The following MYO3B variants were observed in gnomAD, a reference collection of about 807,000 sequenced individuals.
MYO3B encodes the protein myosin-IIIb.
MYO3B carries 156 observed loss-of-function variants against 174.6 expected under a neutral mutation model. The ratio of observed to expected loss-of-function variants is 0.89; its 90% CI spans 0.78 to 1.02. The LOEUF is 1.02. MYO3B is among the 50% of genes least tolerant of loss of function. MYO3B has a pLI of 0.00. For synonymous variants in MYO3B, 563 were observed against 569.1 expected, an observed-to-expected ratio of 0.99 and a Z score of 0.15; for missense variants, 1,632 against 1,639.4, an observed-to-expected ratio of 1.00 and a Z score of 0.08.
intron 25 of MYO3B, among the ~76,000 whole-genome samples, chr2:170,476,075 C>A (rs1685299012): frequency 6.6e-6 from 1 of 151,942 alleles, no homozygotes; most frequent in Non-Finnish European, 1.5e-5. Context: ...GTTCCCTGTC[C>A]CCCCCCACAG....
intron 29 of MYO3B, among the ~76,000 whole-genome samples, chr2:170,517,665 G>T (rs950459264): frequency 6.6e-6 from 1 of 152,124 alleles, no homozygotes; most frequent in Non-Finnish European, 1.5e-5. Flanking sequence ...ATTATTTGTG[G>T]TGATTTTTCC....
chr2:170,423,912 C>G (rs1319802327), intron 22 of MYO3B, among the ~76,000 whole-genome samples: 1 of 152,138 alleles, frequency 6.6e-6, no homozygotes, highest in Non-Finnish European at 1.5e-5. Context: ...TTCCTTTGTT[C>G]TTTTTGGAGA....
intron 22 of MYO3B, among the ~76,000 whole-genome samples, chr2:170,417,126 A>C (rs2094585738): frequency 6.6e-6 from 1 of 152,118 alleles, no homozygotes; most frequent in South Asian, 2.1e-4. Flanking sequence ...TTATGGGTCC[A>C]TCTCTTTCTT....
intron 22 of MYO3B, among the ~76,000 whole-genome samples, chr2:170,437,377 C>G (rs549229903): frequency 2.6e-5 from 4 of 152,238 alleles, no homozygotes; most frequent in African/African-American, 7.2e-5. Context: ...GCCCCCACCC[C>G]CTTCTCCCTT....
At chr2:170,340,346 G>C (rs2105556646) in intron 8 of MYO3B, 1 of 152,328 alleles carries the variant, frequency 6.6e-6, no homozygotes, top group Admixed American at 6.5e-5. Context: ...CATCACGGCT[G>C]CTCAGCTTTG....
chr2:170,630,604 G>A (rs1696870669), intron 32 of MYO3B, among the ~76,000 whole-genome samples: 2 of 152,204 alleles, frequency 1.3e-5, no homozygotes, highest in African/African-American at 4.8e-5. Flanking sequence ...CCTCAAGTGG[G>A]TCCCTGACCC....
At position 170,580,712 on chromosome 2, in the gene MYO3B, T is replaced by TTATATATA. The variant is rs139311800; in HGVS notation, c.3733+36731_3733+36732insATATATAT. ...TATAAGCTTCAGGTCCCACAAAACCTTATATATGTGTGTGTGTGTGTGTGT... is the reference window on the plus strand; with the variant it reads ...TATAAGCTTCAGGTCCCACAAAACCTTATATATATATATATGTGTGTGTGTGTGTGTGT... On this transcript the variant is annotated intron_variant, in intron 32 of 34. Coordinates refer to ENST00000408978, the MANE Select transcript of MYO3B (RefSeq NM_138995.5). 6.2e-3 allele frequency among the ~76,000 whole-genome samples: 841 copies of TTATATATA among 136,102 alleles called. 9 individuals carry two copies. Among genetic ancestry groups the TTATATATA allele is most frequent in the East Asian group, 0.061 (250 of 4,100 alleles). 89.3% of individuals were successfully genotyped at this position (136,102 alleles called of 152,430 possible). A position where few individuals can be genotyped will look rare whatever the true frequency, so the allele number is the denominator to read the frequency against.
intron 32 of MYO3B, among the ~76,000 whole-genome samples, chr2:170,545,149 T>C (rs1481950228): frequency 6.6e-6 from 1 of 152,236 alleles, no homozygotes; most frequent in East Asian, 1.9e-4. Flanking sequence ...TGGTATTCTA[T>C]TTTTAAATAG....
chr2:170,317,467 ACT>A (rs35046148), intron 7 of MYO3B, among the ~76,000 whole-genome samples: 70,604 of 151,708 alleles, frequency 0.47, 17,961 homozygotes, highest in East Asian at 0.67. Flanking sequence ...AGGGCTGTAA[ACT>A]CTGTTTTGAA....
At position 170,402,858 on chromosome 2, in the gene MYO3B, G is replaced by A. The variant is rs1251667048; in HGVS notation, c.2140G>A (p.Gly714Ser). 2 of 1,610,252 alleles carry A rather than the reference G, an allele frequency of 1.2e-6. No individual in the cohort carries two copies. Among genetic ancestry groups the A allele is most frequent in the Admixed American group, 1.7e-5 (1 of 59,968 alleles). ...TTCTCTCTCATGCAGTAGTGCAGGA[G>A]GTGGAATGAATGTGGGGATCTTGGA... ...QPDENICSAG[G>S]GMNVGILDIF... The change falls in exon 19 of 35, where the codon GGT (glycine) becomes AGT (serine). Residue 714 changes from glycine (G) to serine (S), a missense_variant. Transcript: ENST00000408978.
At chr2:170,190,685 G>T (rs2092529689) in intron 1 of MYO3B, among the ~76,000 whole-genome samples, 1 of 152,048 alleles carries the variant, frequency 6.6e-6, no homozygotes, top group Non-Finnish European at 1.5e-5. Flanking sequence ...AGGCCCAAAT[G>T]CTCTTCAGTC....
At chr2:170,306,467 A>G (rs1174710121) in intron 7 of MYO3B, among the ~76,000 whole-genome samples, 1 of 152,226 alleles carries the variant, frequency 6.6e-6, no homozygotes, top group Non-Finnish European at 1.5e-5. Flanking sequence ...TGAACTCCAG[A>G]AATGTACATA....
At chr2:170,635,406 G>T (rs1255167562) in intron 32 of MYO3B, among the ~76,000 whole-genome samples, 1 of 152,028 alleles carries the variant, frequency 6.6e-6, no homozygotes, top group Non-Finnish European at 1.5e-5. Context: ...GGTGGGAATT[G>T]AACAGTGAGT....
At chr2:170,483,581 T>A (rs1376563804) in intron 25 of MYO3B, among the ~76,000 whole-genome samples, 1 of 125,536 alleles carries the variant, frequency 8.0e-6, no homozygotes, top group Non-Finnish European at 1.5e-5. Flanking sequence ...AGAGACGGGG[T>A]TTCACCGTGT....
chr2:170,520,188 A>C (rs1388958699), intron 30 of MYO3B, among the ~76,000 whole-genome samples: 1 of 152,020 alleles, frequency 6.6e-6, no homozygotes, highest in African/African-American at 2.4e-5. Flanking sequence ...TGCAGTTGGC[A>C]TCTAATGGGC....
intron 32 of MYO3B, among the ~76,000 whole-genome samples, chr2:170,551,820 T>A (rs1315849320): frequency 1.3e-5 from 2 of 151,864 alleles, no homozygotes; most frequent in Non-Finnish European, 2.9e-5. Context: ...TGGTGGGAGG[T>A]GATTGGATCA....
chr2:170,422,977 C>CTTTTTTTTTTTTTTT (rs34882424), intron 22 of MYO3B, among the ~76,000 whole-genome samples: 61 of 88,504 alleles, frequency 6.9e-4, no homozygotes, highest in Admixed American at 1.4e-3. Context: ...TTCTTTCTTT[C>CTTTTTTTTTTTTTTT]TTTTTTTTTT....
chr2:170,462,442 CTT>C (rs1684351021), intron 23 of MYO3B, among the ~76,000 whole-genome samples: 1 of 152,226 alleles, frequency 6.6e-6, no homozygotes, highest in South Asian at 2.1e-4. Flanking sequence ...AGGCAAGCCT[CTT>C]TATTCACCCC....
At chr2:170,632,699 G>T (rs1338740615) in intron 32 of MYO3B, among the ~76,000 whole-genome samples, 1 of 151,934 alleles carries the variant, frequency 6.6e-6, no homozygotes, top group Non-Finnish European at 1.5e-5. Flanking sequence ...CCAGGAGCTG[G>T]TTTTTTGAAA....
Sources: allele counts gnomAD v4.1 joint callset (sites outside exome capture counted in the v4.1 genomes callset), GRCh38; gene constraint gnomAD v4.1.1; transcripts MANE v1.5; gene names NCBI Gene and HGNC (gene_info 2026-07-23, HGNC 2026-07-21).